The following NAV3 variants were observed in gnomAD, a reference collection of about 807,000 sequenced individuals.
NAV3 encodes pore membrane and/or filament interacting like protein 1.
A neutral mutation model predicts 244.7 loss-of-function variants in NAV3; 87 were observed. The ratio of observed to expected loss-of-function variants is 0.36; its 90% confidence interval spans 0.30 to 0.42. The LOEUF is 0.42. Ranked by LOEUF, NAV3 falls within the 20% of genes least tolerant of loss-of-function variation. The pLI is 1.00. For synonymous variants in NAV3, 1,126 were observed against 1,042.2 expected (o/e 1.08, Z -1.55); for missense variants, 2,663 against 2,893.3 (o/e 0.92, Z 1.83).
At chr12:77,805,772 C>CT (rs1231985298) in intron 2 of NAV3, among the ~76,000 whole-genome samples, 1 of 152,062 alleles carries the variant, frequency 6.6e-6, no homozygotes, top group Non-Finnish European at 1.5e-5. Flanking sequence ...TCTGGTAGAA[C>CT]TTGGCTGTGA....
chr12:78,089,065 T>A (rs1406534538), intron 12 of NAV3, among the ~76,000 whole-genome samples: 1 of 152,188 alleles, frequency 6.6e-6, no homozygotes, highest in East Asian at 1.9e-4. Context: ...AATAGGAATG[T>A]TTGTGCCTTG....
chr12:77,831,368 A>T lies in NAV3; in HGVS notation c.-94A>T, dbSNP rs2136071738. ...ATCAGGATGACTGCTAGTTTTGTTT[A>T]AAGTATTTGTTCTGGAAATACTAAA... On this transcript the variant is annotated 5_prime_UTR_variant, in exon 1 of 40. It removes the in-frame stop codon of an upstream open reading frame in the 5' UTR. Coordinates refer to ENST00000397909, the MANE Select transcript of NAV3 (RefSeq NM_001024383.2). The T allele has an allele frequency of 7.6e-7, 1 of 1,310,184 alleles. No individual in the cohort carries two copies. Among genetic ancestry groups the T allele is most frequent in the Non-Finnish European group, 1.0e-6 (1 of 983,462 alleles). The allele number at this position is 1,310,184 out of a possible 1,614,324, so 81.2% of individuals were successfully genotyped here. A position where few individuals can be genotyped will look rare whatever the true frequency, so the allele number is the denominator to read the frequency against.
At chr12:77,837,009 A>G (rs754272596) in intron 1 of NAV3, among the ~76,000 whole-genome samples, 28 of 152,170 alleles carry the variant, frequency 1.8e-4, no homozygotes, top group Non-Finnish European at 3.2e-4. Flanking sequence ...AGTAGTTAAA[A>G]TAAATATTTA....
At chr12:77,845,148 A>T (rs2136200653) in intron 1 of NAV3, among the ~76,000 whole-genome samples, 1 of 152,252 alleles carries the variant, frequency 6.6e-6, no homozygotes, top group South Asian at 2.1e-4. Flanking sequence ...TATATATATG[A>T]TATTCAATAG....
chr12:77,806,186 G>A (rs533613190), intron 2 of NAV3, among the ~76,000 whole-genome samples: 3 of 152,146 alleles, frequency 2.0e-5, no homozygotes, highest in South Asian at 2.1e-4. Flanking sequence ...TCTGATCTTC[G>A]TTATTTCTTG....
rs531099824 is a variant in NAV3 at position 78,093,138 on chromosome 12, T to C, written c.2637-23634T>C. Among the ~76,000 whole-genome samples, 76 of 152,324 alleles carry C rather than the reference T, an allele frequency of 5.0e-4. 1 individual carries two copies. The Middle Eastern group carries it at 0.01, about 20-fold the overall frequency. ...AGAAGAATGAGTTAACAATATACAA[T>C]GAATATGAATCATTAACATTTTCAA... On this transcript the variant is annotated intron_variant, in intron 12 of 39. Coordinates refer to ENST00000397909, the MANE Select transcript of NAV3 (RefSeq NM_001024383.2).
chr12:77,871,019 A>G (rs1880869021), intron 1 of NAV3, among the ~76,000 whole-genome samples: 1 of 152,236 alleles, frequency 6.6e-6, no homozygotes, highest in African/African-American at 2.4e-5. Flanking sequence ...AGATACATGA[A>G]GAATGAAATA....
rs550065486 is a variant in NAV3, at chr12:77,990,544, G to A, written c.672-4259G>A. 5.3e-4 allele frequency among the ~76,000 whole-genome samples: 80 copies of A among 152,326 alleles called. 1 individual carries two copies. The highest frequency in any genetic ancestry group is 1.6e-4 in the Non-Finnish European group (11 of 68,018). On this transcript the variant is annotated intron_variant, in intron 5 of 39. Transcript: ENST00000397909. ...TGTAAGTTTCTCAGATTTTAAAACT[G>A]TGAGGATCAATTTCTATGTTTATTC...
At chr12:78,105,881 A>C (rs1386903582) in intron 12 of NAV3, among the ~76,000 whole-genome samples, 1 of 151,604 alleles carries the variant, frequency 6.6e-6, no homozygotes, top group African/African-American at 2.4e-5. Flanking sequence ...TATGATATAA[A>C]TCCTAATTTT....
At chr12:77,638,528 GCA>G (rs1257921372) in intron 2 of NAV3, among the ~76,000 whole-genome samples, 6 of 152,192 alleles carry the variant, frequency 3.9e-5, no homozygotes, top group Non-Finnish European at 8.8e-5. Flanking sequence ...AGTTAAGTAT[GCA>G]CAGTCTTTCA....
At chr12:77,720,155 TTCTC>T (rs71088328) in intron 2 of NAV3, among the ~76,000 whole-genome samples, 14 of 151,196 alleles carry the variant, frequency 9.3e-5, no homozygotes, top group Non-Finnish European at 1.8e-4. Context: ...TTACTTGAGT[TTCTC>T]TCTCTCTCTC....
At chr12:78,063,337 TG>T (rs1239780624) in intron 12 of NAV3, among the ~76,000 whole-genome samples, 2 of 152,184 alleles carry the variant, frequency 1.3e-5, no homozygotes, top group African/African-American at 4.8e-5. Flanking sequence ...CATTTATAGC[TG>T]GCAGTTAAAT....
chr12:77,824,000 A>G (rs908016812), intron 2 of NAV3, among the ~76,000 whole-genome samples: 6 of 152,294 alleles, frequency 3.9e-5, no homozygotes, highest in Non-Finnish European at 7.4e-5. Flanking sequence ...ATTACAACAG[A>G]TTAAATAATA....
chr12:77,836,655 GTTATT>G (rs547678970), intron 1 of NAV3, among the ~76,000 whole-genome samples: 156 of 152,106 alleles, frequency 1.0e-3, no homozygotes, highest in Non-Finnish European at 1.8e-3. Context: ...TTTTTTCTAT[GTTATT>G]TTATTTATAC....
chr12:77,994,919 A>T (rs1262865580), intron 6 of NAV3, 48 bp downstream of exon 6: 7 of 1,320,552 alleles, frequency 5.3e-6, no homozygotes, highest in Non-Finnish European at 6.4e-6. Flanking sequence ...TATGCAAATA[A>T]ATACCCAGTG....
rs539314853 is a variant in NAV3, at chr12:78,073,477, A to G, written c.2636+14362A>G. Reference sequence around the variant, plus strand: ...ATAAAATACCTAGGAATCCAACTTAACAAGGGACGTGAAGGACCTCTTCAA... The same window carrying G: ...ATAAAATACCTAGGAATCCAACTTAGCAAGGGACGTGAAGGACCTCTTCAA... On this transcript the variant is annotated intron_variant, in intron 12 of 39. Coordinates refer to ENST00000397909, the MANE Select transcript of NAV3 (RefSeq NM_001024383.2). 9.8e-5 allele frequency among the ~76,000 whole-genome samples: 15 copies of G among 152,290 alleles called. No homozygotes were observed. In the South Asian group the frequency reaches 2.9e-3, roughly 29 times the overall value.
At chr12:77,807,882 C>CT (rs1268487335) in intron 2 of NAV3, among the ~76,000 whole-genome samples, 3 of 152,078 alleles carry the variant, frequency 2.0e-5, no homozygotes, top group African/African-American at 4.8e-5. Context: ...CCTTTTCATT[C>CT]TTTTTTCTCT....
intron 2 of NAV3, among the ~76,000 whole-genome samples, chr12:77,718,817 CT>C (rs1876482251): frequency 6.6e-6 from 1 of 151,740 alleles, no homozygotes; most frequent in African/African-American, 2.4e-5. Context: ...ACCACCATGC[CT>C]AAAAATTTTG....
intron 2 of NAV3, among the ~76,000 whole-genome samples, chr12:77,674,457 A>G (rs986599019): frequency 6.6e-6 from 1 of 151,816 alleles, no homozygotes; most frequent in East Asian, 1.9e-4. Flanking sequence ...ATCATGGCTC[A>G]CTGTAGCCTC....
Sources: gnomAD v4.1 joint callset for allele counts (sites outside exome capture counted in the v4.1 genomes callset) on GRCh38, gnomAD v4.1.1 for gene constraint, MANE v1.5 for transcripts, NCBI Gene and HGNC (gene_info 2026-07-23, HGNC 2026-07-21) for gene names.